Variants in ATP8A2 observed in about 807,000 individuals in gnomAD.
ATP8A2 encodes the protein ATPase phospholipid transporting 8A2.
ATP8A2 carries 100 observed loss-of-function variants against 165.6 expected under a neutral mutation model. The observed-to-expected ratio is 0.60, with a 90% CI of 0.51 to 0.71. ATP8A2 has a LOEUF of 0.71. Among genes scored for constraint, ATP8A2 ranks in the 30% least tolerant of loss-of-function variants. The pLI is 0.00. For missense variants in ATP8A2, 1,227 were observed against 1,479.5 expected (o/e 0.83, Z 2.80); for synonymous variants, 543 against 548.8 (o/e 0.99, Z 0.15).
At chr13:25,386,825 G>A (rs111900370) in intron 1 of ATP8A2, among the ~76,000 whole-genome samples, 1 of 152,130 alleles carries the variant, frequency 6.6e-6, no homozygotes, top group African/African-American at 2.4e-5. Flanking sequence ...GTGAAACCCC[G>A]TCTCTACTAA....
At chr13:25,848,309 G>A (rs1000452356) in intron 30 of ATP8A2, among the ~76,000 whole-genome samples, 4 of 152,258 alleles carry the variant, frequency 2.6e-5, no homozygotes, top group Middle Eastern at 3.2e-3. Context: ...GGAGAGGCAA[G>A]ATGGTTTGCA....
At position 25,558,254 on chromosome 13, in the gene ATP8A2, T is replaced by G. The variant is rs562877045; in HGVS notation, c.1264-719T>G. Among the ~76,000 whole-genome samples, 343 of 152,302 alleles carry G rather than the reference T, an allele frequency of 2.3e-3. 2 individuals are homozygous for G. The highest frequency in any genetic ancestry group is 2.8e-3 in the Non-Finnish European group (188 of 68,030). On this transcript the variant is annotated intron_variant, in intron 13 of 36. Transcript: ENST00000381655. ...TTTCTTAAAAATGCAGAAAGAATCC[T>G]GCTTACTTAAAGGCAGATTCTACTA...
chr13:25,402,706 G>A (rs191916699), intron 1 of ATP8A2, among the ~76,000 whole-genome samples: 11 of 152,286 alleles, frequency 7.2e-5, no homozygotes, highest in Non-Finnish European at 1.3e-4. Flanking sequence ...TTTAGGAGAT[G>A]ATTTGGCCCT....
chr13:25,467,642 C>G (rs546028283), intron 1 of ATP8A2, among the ~76,000 whole-genome samples: 40 of 152,198 alleles, frequency 2.6e-4, no homozygotes, highest in Middle Eastern at 6.8e-3. Context: ...GCTCCGCCCC[C>G]CGGGGTTCAC....
intron 25 of ATP8A2, among the ~76,000 whole-genome samples, chr13:25,761,799 G>A (rs1424042711): frequency 6.6e-6 from 1 of 151,822 alleles, no homozygotes; most frequent in African/African-American, 2.4e-5. Context: ...TATTTATTAA[G>A]CCTTCAAAGT....
intron 24 of ATP8A2, among the ~76,000 whole-genome samples, chr13:25,656,981 A>T (rs1176509657): frequency 2.1e-5 from 3 of 140,052 alleles, no homozygotes; most frequent in Non-Finnish European, 4.5e-5. Context: ...TGAACCCAGG[A>T]GATGAAGGTT....
chr13:25,485,372 GAAAGTCAAA>G (rs761915751), intron 2 of ATP8A2, among the ~76,000 whole-genome samples: 4 of 152,156 alleles, frequency 2.6e-5, no homozygotes, highest in Non-Finnish European at 5.9e-5. Flanking sequence ...GTGGACATTG[GAAAGTCAAA>G]AAACTCCAAG....
chr13:25,422,920 GT>G (rs2034341040), intron 1 of ATP8A2, among the ~76,000 whole-genome samples: 1 of 152,218 alleles, frequency 6.6e-6, no homozygotes, highest in African/African-American at 2.4e-5. Context: ...GTGCATGGTT[GT>G]GGTTTTTGCA....
At chr13:25,384,332 A>G (rs2032962017) in intron 1 of ATP8A2, among the ~76,000 whole-genome samples, 1 of 152,230 alleles carries the variant, frequency 6.6e-6, no homozygotes. Context: ...AACACTGGAA[A>G]GATCTTGCAA....
At chr13:25,679,690 G>C (rs1593184292) in intron 24 of ATP8A2, among the ~76,000 whole-genome samples, 2 of 152,126 alleles carry the variant, frequency 1.3e-5, no homozygotes, top group African/African-American at 4.8e-5. Context: ...TTGAAATAAT[G>C]AATCAGTGCC....
intron 36 of ATP8A2, among the ~76,000 whole-genome samples, chr13:26,015,636 A>G (rs1288842942): frequency 1.3e-5 from 2 of 152,134 alleles, no homozygotes; most frequent in Non-Finnish European, 2.9e-5. Context: ...CAAATGTTCT[A>G]CCCGGAGAAG....
At chr13:25,835,811 C>G (rs983338861) in intron 28 of ATP8A2, among the ~76,000 whole-genome samples, 1 of 152,142 alleles carries the variant, frequency 6.6e-6, no homozygotes, top group African/African-American at 2.4e-5. Context: ...GGTCTCCTTC[C>G]TATCCTTGCC....
chr13:25,418,379 G>A (rs2034196391), intron 1 of ATP8A2, among the ~76,000 whole-genome samples: 1 of 152,104 alleles, frequency 6.6e-6, no homozygotes, highest in South Asian at 2.1e-4. Flanking sequence ...TTTAAGCCTT[G>A]CAGTGCCAGA....
At chr13:25,567,591 A>G (rs535689665) in intron 16 of ATP8A2, among the ~76,000 whole-genome samples, 1 of 152,088 alleles carries the variant, frequency 6.6e-6, no homozygotes, top group Non-Finnish European at 1.5e-5. Context: ...TAATCTGGAT[A>G]CTCATAGTTT....
chr13:25,428,635 G>T (rs7999309), intron 1 of ATP8A2, among the ~76,000 whole-genome samples: 1 of 152,054 alleles, frequency 6.6e-6, no homozygotes, highest in Non-Finnish European at 1.5e-5. Context: ...TTAAGTGTGA[G>T]GAGGTGGCAA....
chr13:25,594,770 T>A (rs2040188461), intron 24 of ATP8A2, among the ~76,000 whole-genome samples: 1 of 152,114 alleles, frequency 6.6e-6, no homozygotes, highest in Non-Finnish European at 1.5e-5. Flanking sequence ...TGGAAAACAG[T>A]GTGGAGTGTC....
At chr13:25,747,702 T>C (rs1393256483) in intron 25 of ATP8A2, among the ~76,000 whole-genome samples, 1 of 152,188 alleles carries the variant, frequency 6.6e-6, no homozygotes, top group East Asian at 1.9e-4. Context: ...GCTTTATAGA[T>C]AACAATTTCA....
chr13:25,647,808 C>T (rs1269032975), intron 24 of ATP8A2, among the ~76,000 whole-genome samples: 3 of 152,044 alleles, frequency 2.0e-5, no homozygotes, highest in Non-Finnish European at 2.9e-5. Context: ...GCCTCAGCCT[C>T]CCAAGTAGCT....
chr13:25,946,945 G>A (rs1434522078), intron 33 of ATP8A2, among the ~76,000 whole-genome samples: 4 of 151,984 alleles, frequency 2.6e-5, no homozygotes, highest in Non-Finnish European at 5.9e-5. Context: ...ACGGGGTTTC[G>A]CCATGCTTGC....
Sources: allele counts gnomAD v4.1 joint callset (sites outside exome capture counted in the v4.1 genomes callset), GRCh38; gene constraint gnomAD v4.1.1; transcripts MANE v1.5; gene names NCBI Gene and HGNC (gene_info 2026-07-23, HGNC 2026-07-21).